Variants in GCNT1 observed in about 807,000 individuals in gnomAD.
GCNT1 encodes beta-1,3-galactosyl-O-glycosyl-glycoprotein beta-1,6-N-acetylglucosaminyltransferase.
GCNT1 carries 16 observed loss-of-function variants against 26.2 expected under a neutral mutation model. The ratio of observed to expected loss-of-function variants is 0.61; its 90% CI spans 0.41 to 0.93. The LOEUF (loss-of-function observed/expected upper bound fraction) is 0.93, where lower values mean the gene tolerates loss of function less well. GCNT1 is among the 40% of genes least tolerant of loss of function. The pLI is 0.00. For synonymous variants in GCNT1, 183 were observed against 190.8 expected, an observed-to-expected ratio of 0.96 and a Z score of 0.34; for missense variants, 477 against 526.7, an observed-to-expected ratio of 0.91 and a Z score of 0.92.
intron 1 of GCNT1, among the ~76,000 whole-genome samples, chr9:76,422,318 C>T (rs1461423886): frequency 6.6e-6 from 1 of 152,198 alleles, no homozygotes; most frequent in Non-Finnish European, 1.5e-5. Context: ...ATCCACCCGC[C>T]TCGGCCTCCC....
the GCNT1 span, among the ~76,000 whole-genome samples, chr9:76,404,023 C>T: frequency 6.6e-5 from 10 of 152,174 alleles, 1 homozygote; most frequent in African/African-American, 2.4e-4. Flanking sequence ...GAACTTTGAC[C>T]TCTGTTCGGA....
rs375605387 is a variant in GCNT1, at chr9:76,421,686, G to GTTTTTTTTT, written n.38+1801_38+1802insTTTTTTTTT. Among the ~76,000 whole-genome samples the GTTTTTTTTT allele has an allele frequency of 7.1e-5, 6 of 84,386 alleles. 1 individual carries two copies. The highest frequency in any genetic ancestry group is 1.5e-4 in the African/African-American group (3 of 20,604). 55.4% of individuals were successfully genotyped at this position (84,386 alleles called of 152,430 possible). A position where few individuals can be genotyped will look rare whatever the true frequency, so the allele number is the denominator to read the frequency against. ...TGATGGCAACTCAATTTGTTTGTAG[G>GTTTTTTTTT]TTGTTTTTTTTTTTTTTTTTTTTTT... On this transcript the variant is annotated intron_variant and non_coding_transcript_variant, in intron 1 of 3. Coordinates refer to the GCNT1 transcript ENST00000488136.
At chr9:76,485,694 T>C (rs772737695) in intron 2 of GCNT1, among the ~76,000 whole-genome samples, 6 of 151,908 alleles carry the variant, frequency 3.9e-5, no homozygotes, top group Admixed American at 3.9e-4. Context: ...CTGTTGCCTC[T>C]CATTTATATT....
the GCNT1 span, among the ~76,000 whole-genome samples, chr9:76,403,741 A>G: frequency 6.6e-6 from 1 of 152,228 alleles, no homozygotes; most frequent in Non-Finnish European, 1.5e-5. Context: ...TTAGAAAGTT[A>G]ATGCTTTTTG....
At chr9:76,459,085 A>T (rs1395946569), upstream of GCNT1, 1 of 152,320 alleles carries the variant, frequency 6.6e-6, no homozygotes, top group Non-Finnish European at 1.5e-5. Context: ...GTCCGCAGCA[A>T]GTCCCCAGCC....
At chr9:76,491,012 C>CTTT (rs1304001256) in intron 2 of GCNT1, among the ~76,000 whole-genome samples, 1 of 152,220 alleles carries the variant, frequency 6.6e-6, no homozygotes, top group Non-Finnish European at 1.5e-5. Context: ...ACAGGGAAGA[C>CTTT]CTTCAATTAT....
intron 2 of GCNT1, among the ~76,000 whole-genome samples, chr9:76,485,736 CT>C (rs34832618): frequency 0.28 from 40,510 of 146,436 alleles, 6,384 homozygotes; most frequent in East Asian, 0.64. Flanking sequence ...CTGTCTCTTC[CT>C]TTTTTTTTTT....
At chr9:76,438,974 T>A (rs1823444494), upstream of GCNT1, among the ~76,000 whole-genome samples, 1 of 152,192 alleles carries the variant, frequency 6.6e-6, no homozygotes, top group Non-Finnish European at 1.5e-5. Flanking sequence ...GAATCTTAAC[T>A]TCCCTTACAC....
the GCNT1 span, among the ~76,000 whole-genome samples, chr9:76,411,938 G>A: frequency 1.3e-5 from 2 of 151,982 alleles, no homozygotes; most frequent in Non-Finnish European, 2.9e-5. Context: ...CTGGCCTCCA[G>A]TGATCTGCCC....
chr9:76,426,050 A>G (rs1169835413), intron 1 of GCNT1, among the ~76,000 whole-genome samples: 2 of 152,100 alleles, frequency 1.3e-5, no homozygotes, highest in Non-Finnish European at 2.9e-5. Flanking sequence ...CCTAAACCAT[A>G]ATTTCTAATC....
chr9:76,438,799 G>GAAAA (rs113875725), upstream of GCNT1, among the ~76,000 whole-genome samples: 3 of 135,252 alleles, frequency 2.2e-5, no homozygotes, highest in South Asian at 7.1e-4. Context: ...TAGCCAATGA[G>GAAAA]AAAAAAAAAA....
At chr9:76,429,771 G>T (rs951301143) in intron 1 of GCNT1, among the ~76,000 whole-genome samples, 1 of 143,052 alleles carries the variant, frequency 7.0e-6, no homozygotes, top group Admixed American at 7.4e-5. Flanking sequence ...CTGGAGTTCA[G>T]TGGCGCAATC....
chr9:76,434,330 T>C (rs1168082508), intron 1 of GCNT1, among the ~76,000 whole-genome samples: 1 of 152,190 alleles, frequency 6.6e-6, no homozygotes, highest in Non-Finnish European at 1.5e-5. Flanking sequence ...TGTTCAGGAC[T>C]CACTATTGTG....
At chr9:76,454,992 C>T (rs1442240598), upstream of GCNT1, among the ~76,000 whole-genome samples, 2 of 151,634 alleles carry the variant, frequency 1.3e-5, no homozygotes, top group South Asian at 2.1e-4. Flanking sequence ...GGATTACAGG[C>T]GTGCACCACC....
chr9:76,414,396 A>G, the GCNT1 span, among the ~76,000 whole-genome samples: 1 of 152,180 alleles, frequency 6.6e-6, no homozygotes, highest in Non-Finnish European at 1.5e-5. Context: ...TCCAGACCCC[A>G]AGAGAGGGTT....
the GCNT1 span, chr9:76,393,975 G>T: frequency 1.1e-6 from 1 of 927,824 alleles, no homozygotes; most frequent in Non-Finnish European, 1.6e-6. Flanking sequence ...GAGGAAGGGT[G>T]TGCTCTCTGC....
At position 76,502,776 on chromosome 9, in the gene GCNT1, A is replaced by T; in HGVS notation, c.395A>T (p.Lys132Met). Residue 132 changes from lysine to methionine, a missense_variant, in exon 4 of 4, where the codon AAG (lysine) becomes ATG (methionine). Transcript: ENST00000376730. ...PIAYSIVVHH[K>M]IEMLDRLLRA... ...GCATATTCTATAGTGGTTCATCACA[A>T]GATTGAAATGCTTGACAGGCTGCTG... The T allele has an allele frequency of 4.3e-6, 7 of 1,614,216 alleles. No individual in the cohort carries two copies. Among genetic ancestry groups the T allele is most frequent in the Non-Finnish European group, 5.9e-6 (7 of 1,180,026 alleles).
chr9:76,452,585 C>T (rs1383552494), intron 1 of GCNT1, among the ~76,000 whole-genome samples: 7 of 152,050 alleles, frequency 4.6e-5, no homozygotes, highest in African/African-American at 7.2e-5. Context: ...ACATCTTACA[C>T]GGCTGGAGCA....
At chr9:76,477,069 C>T (rs1317372034) in intron 2 of GCNT1, among the ~76,000 whole-genome samples, 2 of 151,992 alleles carry the variant, frequency 1.3e-5, no homozygotes, top group African/African-American at 4.8e-5. Context: ...TGTGCACCAC[C>T]ACGCCTGGCT....
Sources: gnomAD v4.1 joint callset for allele counts (sites outside exome capture counted in the v4.1 genomes callset) on GRCh38, gnomAD v4.1.1 for gene constraint, MANE v1.5 for transcripts, NCBI Gene and HGNC (gene_info 2026-07-23, HGNC 2026-07-21) for gene names.